ZIM2: variants seen among roughly 807,000 people sequenced by gnomAD.
ZIM2 encodes zinc finger imprinted 2.
In ZIM2, 14 loss-of-function variants were observed where a neutral mutation model predicts 38.6. That is an observed-to-expected ratio of 0.36 (90% CI 0.24 to 0.57). The LOEUF (loss-of-function observed/expected upper bound fraction) is 0.57. Among genes scored for constraint, ZIM2 ranks in the 20% least tolerant of loss-of-function variants. The probability of loss-of-function intolerance (pLI) is 0.81; values close to 1 mark genes in which losing one functional copy is unlikely to be tolerated. For synonymous variants in ZIM2, 247 were observed against 245.8 expected (o/e 1.00, Z -0.04); for missense variants, 680 against 695.1 (o/e 0.98, Z 0.24).
At chr19:56,831,874 A>G (rs1248905079) in intron 2 of ZIM2, among the ~76,000 whole-genome samples, 2 of 152,238 alleles carry the variant, frequency 1.3e-5, no homozygotes, top group Non-Finnish European at 2.9e-5. Flanking sequence ...ATTTACGTGT[A>G]CACAGAGAAT....
In ZIM2 at chr19:56,828,208, T is replaced by TA. The variant is rs150275552; in HGVS notation, c.-226-1746_-226-1745insT. 6.1e-3 allele frequency among the ~76,000 whole-genome samples: 933 copies of TA among 152,226 alleles called. 9 individuals are homozygous for TA. The highest frequency in any genetic ancestry group is 0.022 in the African/African-American group (901 of 41,534). On this transcript the variant is annotated intron_variant, in intron 2 of 12. Transcript: ENST00000629319. Reference sequence around the variant, plus strand: ...TCCCTATCACCATCCACAGCTTGAATCCATAGTCATACCCTAACCTGGCCA... The same window carrying TA: ...TCCCTATCACCATCCACAGCTTGAATACCATAGTCATACCCTAACCTGGCCA...
intron 12 of ZIM2, among the ~76,000 whole-genome samples, chr19:56,778,866 G>C (rs898140096): frequency 6.6e-6 from 1 of 152,136 alleles, no homozygotes; most frequent in Non-Finnish European, 1.5e-5. Flanking sequence ...TATGGTTCCA[G>C]AACTATAAGG....
intron 2 of ZIM2, among the ~76,000 whole-genome samples, chr19:56,828,861 T>C (rs895360117): frequency 5.3e-5 from 8 of 152,136 alleles, no homozygotes; most frequent in African/African-American, 1.9e-4. Context: ...TGGGCAAATG[T>C]TTAAAAGATG....
intron 9 of ZIM2, chr19:56,811,130 A>G (rs2059513587): frequency 2.0e-5 from 20 of 983,662 alleles, no homozygotes; most frequent in Non-Finnish European, 2.3e-5. Context: ...TGTATTTTCC[A>G]AGTGTGTGAT....
chr19:56,822,602 A>G, intron 6 of ZIM2, 151 bp downstream of exon 6: 1 of 1,080,400 alleles, frequency 9.3e-7, no homozygotes, highest in Non-Finnish European at 1.3e-6. Flanking sequence ...TGGAACTTCA[A>G]AAATACGAGC....
chr19:56,819,252 G>A (rs570875895), intron 7 of ZIM2, among the ~76,000 whole-genome samples: 4 of 152,272 alleles, frequency 2.6e-5, no homozygotes, highest in South Asian at 2.1e-4. Flanking sequence ...CCTCCCTCCC[G>A]GTTTCTCCAT....
At chr19:56,776,825 CG>C (rs757288996) in intron 12 of ZIM2, among the ~76,000 whole-genome samples, 1 of 151,852 alleles carries the variant, frequency 6.6e-6, no homozygotes, top group Non-Finnish European at 1.5e-5. Flanking sequence ...CGTCAGTAAA[CG>C]GGGAAGGGGG....
chr19:56,794,395 CAT>C (rs1491386820), intron 9 of ZIM2, among the ~76,000 whole-genome samples: 2 of 152,186 alleles, frequency 1.3e-5, no homozygotes, highest in Non-Finnish European at 2.9e-5. Context: ...TTGGGGAAAA[CAT>C]TTTTTTCTTT....
intron 10 of ZIM2, among the ~76,000 whole-genome samples, chr19:56,783,319 GA>G (rs1190427256): frequency 1.3e-5 from 2 of 152,060 alleles, no homozygotes; most frequent in Non-Finnish European, 2.9e-5. Flanking sequence ...ATACCCAAAG[GA>G]AAATAAGCTG....
At chr19:56,798,337 A>G (rs566023959) in intron 9 of ZIM2, 1 of 152,244 alleles carries the variant, frequency 6.6e-6, no homozygotes, top group South Asian at 2.1e-4. Flanking sequence ...GTGTGTGTGC[A>G]TGTGACAAAA....
intron 9 of ZIM2, among the ~76,000 whole-genome samples, chr19:56,795,056 CTTTTT>C (rs1313476159): frequency 6.7e-6 from 1 of 149,834 alleles, no homozygotes; most frequent in Non-Finnish European, 1.5e-5. Context: ...TTTTTCTTTT[CTTTTT>C]TTTCTTTTTT....
chr19:56,823,679 T>C lies in ZIM2; in HGVS notation c.17A>G (p.Asp6Gly). Residue 6 changes from aspartate (D) to glycine (G), a missense_variant and splice_region_variant, in exon 5 of 13, where the codon GAC becomes GGC. Coordinates refer to ENST00000629319, the MANE Select transcript of ZIM2 (RefSeq NM_001387356.1). ...GCTGGTCACGTCACTGTTGTTGTCG[T>C]CTAAGAGGACACCGGTCGCCAAGTT... MYQPEDDNNSDVTSDD... is the reference protein window; with the variant it reads MYQPEGDNNSDVTSDD... 6.2e-7 allele frequency: 1 copy of C among 1,614,094 alleles called. No individual in the cohort carries two copies. The highest frequency in any genetic ancestry group is 8.5e-7 in the Non-Finnish European group (1 of 1,180,008).
chr19:56,816,575 T>C, intron 9 of ZIM2: 1 of 1,614,068 alleles, frequency 6.2e-7, no homozygotes, highest in Non-Finnish European at 8.5e-7. Context: ...ATTTTCTCTT[T>C]ACCATACATT....
chr19:56,836,248 G>T, intron 1 of ZIM2, 144 bp from the exon 2 acceptor site: 1 of 358,314 alleles, frequency 2.8e-6, no homozygotes, highest in South Asian at 2.1e-5. Context: ...TCCCATCCAG[G>T]ATGAATGGCC....
intron 9 of ZIM2, among the ~76,000 whole-genome samples, chr19:56,808,648 G>C (rs1043384319): frequency 1.3e-5 from 2 of 152,098 alleles, no homozygotes; most frequent in Admixed American, 6.5e-5. Flanking sequence ...TGCAGACAGT[G>C]TATGTTCATT....
At chr19:56,793,340 A>T (rs933698970) in intron 9 of ZIM2, 2 of 152,620 alleles carry the variant, frequency 1.3e-5, no homozygotes, top group Non-Finnish European at 2.9e-5. Flanking sequence ...AAGATATCTG[A>T]AACCCCTGTC....
At position 56,774,953 on chromosome 19, in the gene ZIM2, A is replaced by T. The variant is rs1457128274; in HGVS notation, c.1412T>A (p.Leu471His). 6.2e-7 allele frequency: 1 copy of T among 1,614,084 alleles called. No individual in the cohort carries two copies. Among genetic ancestry groups the T allele is most frequent in the African/African-American group, 1.3e-5 (1 of 74,928 alleles). The stretch of plus-strand genomic sequence containing the variant: ...CTTGCTGTGGGACAACCCAGGAGGA[A>T]GGACTCTTGCTGCCTCATGGGCTTT... ...HLKAHEAARV[L>H]PPGLSHSKTY... Residue 471 changes from leucine to histidine, a missense_variant, in exon 13 of 13, where the codon CTT becomes CAT. By Grantham distance (99) the Leu-to-His change is moderately conservative. Coordinates refer to ENST00000629319, the MANE Select transcript of ZIM2 (RefSeq NM_001387356.1).
intron 1 of ZIM2, among the ~76,000 whole-genome samples, chr19:56,840,004 T>G (rs958067561): frequency 6.6e-6 from 1 of 151,964 alleles, no homozygotes; most frequent in African/African-American, 2.4e-5. Context: ...CCTTCGCCCC[T>G]CCCACCACCA....
At chr19:56,820,171 T>C (rs1339765472) in intron 7 of ZIM2, among the ~76,000 whole-genome samples, 1 of 152,250 alleles carries the variant, frequency 6.6e-6, no homozygotes, top group African/African-American at 2.4e-5. Context: ...ATGGAAGAGA[T>C]GCTGTTCTGA....
Sources: gnomAD v4.1 joint callset for allele counts (sites outside exome capture counted in the v4.1 genomes callset) on GRCh38, gnomAD v4.1.1 for gene constraint, MANE v1.5 for transcripts, NCBI Gene and HGNC (gene_info 2026-07-23, HGNC 2026-07-21) for gene names.